The following ADTRP variants were observed in gnomAD, a reference collection of about 807,000 sequenced individuals.
ADTRP encodes androgen-dependent TFPI-regulating protein.
ADTRP carries 20 observed loss-of-function variants against 27.0 expected under a neutral mutation model. The observed-to-expected ratio is 0.74, with a 90% CI of 0.52 to 1.08. The LOEUF is 1.08. ADTRP is among the 50% of genes least tolerant of loss of function. The probability of loss-of-function intolerance (pLI) is 0.00; values close to 1 mark genes in which losing one functional copy is unlikely to be tolerated. For missense variants in ADTRP, 251 were observed against 275.0 expected (o/e 0.91, Z 0.62); for synonymous variants, 101 against 105.2 (o/e 0.96, Z 0.25).
At position 11,770,427 on chromosome 6, in the gene ADTRP, A is replaced by G. The variant is rs144201310; in HGVS notation, c.154-2044T>C. Among the ~76,000 whole-genome samples the G allele has an allele frequency of 5.8e-4, 88 of 152,276 alleles. 1 individual carries two copies. In the East Asian group the frequency reaches 0.015, roughly 27 times the overall value. ...GCAGGCTGTTGAGCCCTCCTGTGGA[A>G]CAAGATTGCAGGAAAGGGAGAGAGG... On this transcript the variant is annotated intron_variant, in intron 1 of 5. Coordinates refer to ENST00000414691, the MANE Select transcript of ADTRP (RefSeq NM_032744.4).
chr6:11,777,246 TTGTGTGTG>T (rs3830754), intron 1 of ADTRP, among the ~76,000 whole-genome samples: 1 of 150,750 alleles, frequency 6.6e-6, no homozygotes, highest in Middle Eastern at 3.5e-3. Context: ...TCAGGATCAG[TTGTGTGTG>T]TGTGTGTGTG....
At chr6:11,721,374 C>T (rs1478723123) in intron 5 of ADTRP, among the ~76,000 whole-genome samples, 1 of 152,182 alleles carries the variant, frequency 6.6e-6, no homozygotes, top group Admixed American at 6.5e-5. Context: ...TGTGGACTTT[C>T]TTCAGTCAAT....
rs200946315 is a variant in ADTRP at position 11,770,075 on chromosome 6, T to C, written c.154-1692A>G. 1.7e-4 allele frequency: 258 copies of C among 1,551,308 alleles called. No homozygotes were observed. Among genetic ancestry groups the C allele is most frequent in the Non-Finnish European group, 2.1e-4 (245 of 1,146,974 alleles). On this transcript the variant is annotated intron_variant, in intron 1 of 5. Transcript: ENST00000414691. ...TGGTAGATGTCAAACCCAGCAGTCC[T>C]GTTCTTGAGCTAGACTTCGAAAAAA...
rs1337050008 is a variant in ADTRP at position 11,778,686 on chromosome 6, G to A, written c.74C>T (p.Ser25Leu). 5.0e-6 allele frequency: 8 copies of A among 1,614,072 alleles called. No individual in the cohort carries two copies. The highest frequency in any genetic ancestry group is 6.8e-6 in the Non-Finnish European group (8 of 1,180,036). ...SWYTFLNYYI[S>L]QEGKDEVKPK... Reference sequence around the variant, plus strand: ...TTTCACCTCGTCTTTTCCTTCCTGTGAGATGTAATAATTGAGGAAAGTATA... The same window carrying A: ...TTTCACCTCGTCTTTTCCTTCCTGTAAGATGTAATAATTGAGGAAAGTATA... The change falls in exon 1 of 6, where the codon TCA becomes TTA. Residue 25 changes from serine (S) to leucine (L), a missense_variant. Ser to Leu is a moderately radical substitution (Grantham distance 145). Transcript: ENST00000414691.
intron 5 of ADTRP, among the ~76,000 whole-genome samples, chr6:11,716,559 T>A (rs977941011): frequency 1.3e-5 from 2 of 152,178 alleles, no homozygotes; most frequent in East Asian, 1.9e-4. Flanking sequence ...TAGGGACTCA[T>A]GTGGCGTGAA....
At chr6:11,748,976 C>T (rs1185504744) in intron 3 of ADTRP, among the ~76,000 whole-genome samples, 1 of 152,144 alleles carries the variant, frequency 6.6e-6, no homozygotes, top group Non-Finnish European at 1.5e-5. Context: ...CTGCTGAGTA[C>T]TAAAAAGGGA....
Sources: gnomAD v4.1 joint callset for allele counts (sites outside exome capture counted in the v4.1 genomes callset) on GRCh38, gnomAD v4.1.1 for gene constraint, MANE v1.5 for transcripts, NCBI Gene and HGNC (gene_info 2026-07-23, HGNC 2026-07-21) for gene names.